Variants in HIVEP1 observed in about 807,000 individuals in gnomAD.
HIVEP1 encodes HIVEP zinc finger 1.
HIVEP1 carries 36 observed loss-of-function variants against 180.0 expected under a neutral mutation model. The observed-to-expected ratio is 0.20, with a 90% CI of 0.15 to 0.26. The LOEUF (loss-of-function observed/expected upper bound fraction) is 0.26, where lower values mean the gene tolerates loss of function less well. HIVEP1 is among the 10% of genes least tolerant of loss of function. HIVEP1 has a pLI of 1.00. For missense variants in HIVEP1, 3,143 were observed against 3,268.7 expected, an observed-to-expected ratio of 0.96 and a Z score of 0.94; for synonymous variants, 1,239 against 1,239.0, an observed-to-expected ratio of 1.00 and a Z score of 0.00.
At chr6:12,168,241 TATA>T (rs1185047442), downstream of HIVEP1, among the ~76,000 whole-genome samples, 4 of 83,358 alleles carry the variant, frequency 4.8e-5, no homozygotes, top group Admixed American at 2.7e-4. Flanking sequence ...ACATATATAT[TATA>T]TATACAGATA....
chr6:12,112,122 G>GA (rs1246048110), intron 3 of HIVEP1, among the ~76,000 whole-genome samples: 3 of 152,054 alleles, frequency 2.0e-5, no homozygotes, highest in Admixed American at 6.5e-5. Flanking sequence ...TTGTTTTTCT[G>GA]AAAAAAATCT....
At chr6:12,057,582 ACT>A (rs1561897200) in intron 2 of HIVEP1, among the ~76,000 whole-genome samples, 2 of 152,054 alleles carry the variant, frequency 1.3e-5, no homozygotes, top group African/African-American at 4.8e-5. Context: ...TTTATCAAAG[ACT>A]CTCAGAGATG....
At chr6:12,068,093 C>CT (rs1771716819) in intron 2 of HIVEP1, among the ~76,000 whole-genome samples, 4 of 151,948 alleles carry the variant, frequency 2.6e-5, no homozygotes, top group Admixed American at 2.0e-4. Flanking sequence ...CCTCAGAATA[C>CT]TTTTTTTGTT....
intron 2 of HIVEP1, chr6:12,038,726 AACC>A (rs199620491): frequency 5.9e-5 from 9 of 152,426 alleles, no homozygotes; most frequent in South Asian, 2.1e-4. Flanking sequence ...AACAACAAAG[AACC>A]ACCACCACCA....
chr6:12,109,240 G>A (rs922935225), intron 3 of HIVEP1, among the ~76,000 whole-genome samples: 10 of 152,228 alleles, frequency 6.6e-5, no homozygotes, highest in Admixed American at 2.0e-4. Flanking sequence ...TGTTCCGCCC[G>A]CCTCAGCCTC....
At chr6:12,025,856 A>G (rs1203180450) in intron 2 of HIVEP1, among the ~76,000 whole-genome samples, 1 of 152,188 alleles carries the variant, frequency 6.6e-6, no homozygotes, top group Non-Finnish European at 1.5e-5. Flanking sequence ...CCTGGCCAAC[A>G]TGGCGAAACC....
chr6:12,121,198 CA>C lies in HIVEP1; in HGVS notation c.1404del (p.Asp469MetfsTer21). 6.2e-7 allele frequency: 1 copy of C among 1,614,076 alleles called. No individual in the cohort carries two copies. The highest frequency in any genetic ancestry group is 8.5e-7 in the Non-Finnish European group (1 of 1,180,014). On this transcript the variant is annotated frameshift_variant, in exon 4 of 9. Coordinates refer to ENST00000379388, the MANE Select transcript of HIVEP1 (RefSeq NM_002114.4). LOFTEE classifies it high-confidence loss of function. This position sits in a 1 kb window ranked among gnomAD's most constrained non-coding sequence, Gnocchi z 5.3. ...ATCAAACTGGGTCTTGTCTTGCAACCAGATGCTGGTGGCTTGTTCTTGTCCC... is the reference window on the plus strand; with the variant it reads ...ATCAAACTGGGTCTTGTCTTGCAACCGATGCTGGTGGCTTGTTCTTGTCCC... ...HTIKLGLVLQ[P>X]DAGGLFLSHE...
intron 3 of HIVEP1, among the ~76,000 whole-genome samples, chr6:12,112,959 G>A (rs1255331933): frequency 6.6e-6 from 1 of 152,054 alleles, no homozygotes; most frequent in Non-Finnish European, 1.5e-5. Flanking sequence ...GGTGACATCT[G>A]CTGCCCTTTC....
chr6:12,026,751 T>C (rs1768612087), intron 2 of HIVEP1, among the ~76,000 whole-genome samples: 1 of 152,202 alleles, frequency 6.6e-6, no homozygotes, highest in South Asian at 2.1e-4. Context: ...CCCAGGAAAC[T>C]GGTAACAGTT....
the HIVEP1 span, among the ~76,000 whole-genome samples, chr6:12,207,191 C>A: frequency 2.6e-5 from 4 of 152,068 alleles, no homozygotes; most frequent in Non-Finnish European, 5.9e-5. Context: ...TTTGATTGCC[C>A]GTTGCATAGT....
chr6:12,172,087 C>T, the HIVEP1 span, among the ~76,000 whole-genome samples: 1 of 152,152 alleles, frequency 6.6e-6, no homozygotes, highest in South Asian at 2.1e-4. Context: ...GGGAGAAGGA[C>T]CAGGCGGACA....
chr6:12,013,296 T>C (rs1157919944), intron 1 of HIVEP1, among the ~76,000 whole-genome samples: 1 of 152,234 alleles, frequency 6.6e-6, no homozygotes, highest in African/African-American at 2.4e-5. Flanking sequence ...CATTCATTCA[T>C]GTTTTTTCTC....
chr6:12,116,961 G>A (rs1310995988), intron 3 of HIVEP1, among the ~76,000 whole-genome samples: 1 of 151,908 alleles, frequency 6.6e-6, no homozygotes. Flanking sequence ...TGGAACTAAG[G>A]GAATAAAATG....
Position 12,121,405 on chromosome 6 carries a change from G to A in HIVEP1, c.1610G>A (p.Ser537Asn), listed in dbSNP as rs542090941. 6.2e-7 allele frequency: 1 copy of A among 1,614,206 alleles called. No individual in the cohort carries two copies. The highest frequency in any genetic ancestry group is 8.5e-7 in the Non-Finnish European group (1 of 1,180,038). ...CTAAAATCAAGCTTCACTCCAAGCAGTCCAGAAAATGTGATAGGTGACTTT... is the reference window on the plus strand; with the variant it reads ...CTAAAATCAAGCTTCACTCCAAGCAATCCAGAAAATGTGATAGGTGACTTT... ...TLLKSSFTPS[S>N]PENVIGDFLL... The change falls in exon 4 of 9, where the codon AGT becomes AAT. Residue 537 changes from serine to asparagine, a missense_variant. Ser to Asn is a conservative substitution (Grantham distance 46). Coordinates refer to ENST00000379388, the MANE Select transcript of HIVEP1 (RefSeq NM_002114.4). This position sits in a 1 kb window ranked among gnomAD's most constrained non-coding sequence, Gnocchi z 5.3.
rs371327980 is a variant in HIVEP1 at position 12,159,581 on chromosome 6, T to G, written c.6488-1858T>G. 1.1e-4 allele frequency among the ~76,000 whole-genome samples: 17 copies of G among 152,124 alleles called. 1 individual carries two copies. In the East Asian group the frequency reaches 3.1e-3, roughly 28 times the overall value. ...TTGTCTTTTATAATCCTCGCAGAGT[T>G]GCCAAACCTATAAAAAATTTTTAAA... On this transcript the variant is annotated intron_variant, in intron 7 of 8. Coordinates refer to ENST00000379388, the MANE Select transcript of HIVEP1 (RefSeq NM_002114.4).
In HIVEP1 at chr6:12,015,612, G is replaced by A. The variant is rs1233331723; in HGVS notation, c.-17G>A. 1.2e-6 allele frequency: 2 copies of A among 1,612,022 alleles called. No individual in the cohort carries two copies. The highest frequency in any genetic ancestry group is 1.7e-6 in the Non-Finnish European group (2 of 1,178,698). On this transcript the variant is annotated 5_prime_UTR_variant, in exon 2 of 9. Coordinates refer to ENST00000379388, the MANE Select transcript of HIVEP1 (RefSeq NM_002114.4). ...TGCAGTTTTTAAGAAGAAAAAGAAG[G>A]CCCTGAGTCAAAGAAGATGCCTCGA... is the stretch of plus-strand genomic sequence containing the variant.
chr6:12,154,292 C>A (rs764553119), intron 7 of HIVEP1, among the ~76,000 whole-genome samples: 2 of 152,178 alleles, frequency 1.3e-5, no homozygotes, highest in Non-Finnish European at 2.9e-5. Flanking sequence ...AAATCCTTAC[C>A]TTTACTCCTG....
At chr6:12,104,282 CTTCT>C (rs1449941998) in intron 3 of HIVEP1, among the ~76,000 whole-genome samples, 1 of 151,792 alleles carries the variant, frequency 6.6e-6, no homozygotes, top group Admixed American at 6.6e-5. Context: ...ATCTTTCCAC[CTTCT>C]TTGTTTTGTT....
In HIVEP1 at chr6:12,124,488, C is replaced by G. The variant is rs1657250269; in HGVS notation, c.4693C>G (p.Gln1565Glu). The G allele has an allele frequency of 6.2e-7, 1 of 1,614,184 alleles. No individual in the cohort carries two copies. The highest frequency in any genetic ancestry group is 8.5e-7 in the Non-Finnish European group (1 of 1,180,024). Residue 1565 changes from glutamine (Q) to glutamate (E), a missense_variant, in exon 4 of 9, where the codon CAG becomes GAG. Gln to Glu is a conservative substitution (Grantham distance 29, BLOSUM62 2). Coordinates refer to ENST00000379388, the MANE Select transcript of HIVEP1 (RefSeq NM_002114.4). ...CFAPKYQLHCQVFTSGPSCSS... is the reference protein window; with the variant it reads ...CFAPKYQLHCEVFTSGPSCSS... ...TGCTCCCAAATACCAATTGCATTGT[C>G]AGGTTTTCACTTCAGGCCCATCTTG...
Sources: allele counts gnomAD v4.1 joint callset (sites outside exome capture counted in the v4.1 genomes callset), GRCh38; gene constraint gnomAD v4.1.1; non-coding constraint Gnocchi (gnomAD v3.1); transcripts MANE v1.5; gene names NCBI Gene and HGNC (gene_info 2026-07-23, HGNC 2026-07-21).